Variants in ADGRV1 observed in about 807,000 individuals in gnomAD.
ADGRV1 encodes the protein adhesion G protein-coupled receptor V1.
ADGRV1 carries 359 observed loss-of-function variants against 596.2 expected under a neutral mutation model. The observed-to-expected ratio is 0.60, with a 90% CI of 0.55 to 0.66. ADGRV1 has a LOEUF of 0.66. Among genes scored for constraint, ADGRV1 ranks in the 30% least tolerant of loss-of-function variants. ADGRV1 has a pLI of 0.00. For missense variants in ADGRV1, 7,274 were observed against 7,575.6 expected (o/e 0.96, Z 1.48); for synonymous variants, 2,681 against 2,679.2 (o/e 1.00, Z -0.02).
intron 1 of ADGRV1, 21 bp from the exon 2 acceptor site, chr5:90,614,814 A>AT: frequency 6.5e-7 from 1 of 1,533,516 alleles, no homozygotes; most frequent in Non-Finnish European, 9.0e-7. Flanking sequence ...TGTGAATAAT[A>AT]TTTTTTTCTT....
At position 90,705,718 on chromosome 5, in the gene ADGRV1, ACTT is replaced by A. The variant is rs1214047053; in HGVS notation, c.8566+143_8566+145del. 4 of 652,286 alleles carry A rather than the reference ACTT, an allele frequency of 6.1e-6. No homozygotes were observed. The East Asian group carries it at 8.2e-5, about 13-fold the overall frequency. The allele number at this position is 652,286 out of a possible 1,614,324, so 40.4% of individuals were successfully genotyped here. A position where few individuals can be genotyped will look rare whatever the true frequency, so the allele number is the denominator to read the frequency against. On this transcript the variant is annotated intron_variant, in intron 37 of 89. Coordinates refer to ENST00000405460, the MANE Select transcript of ADGRV1 (RefSeq NM_032119.4). ...TCTTCATTCAGGACAGAACTTTATA[ACTT>A]CTTTATCTTTGAAAAGATTAAAGGA...
intron 48 of ADGRV1, among the ~76,000 whole-genome samples, chr5:90,726,438 A>G (rs1454275777): frequency 2.0e-5 from 3 of 152,060 alleles, no homozygotes; most frequent in East Asian, 1.9e-4. Flanking sequence ...TCTCCCTTCT[A>G]TAGTAAGACA....
At chr5:90,697,475 A>C (rs765448389) in intron 34 of ADGRV1, among the ~76,000 whole-genome samples, 24 of 147,638 alleles carry the variant, frequency 1.6e-4, no homozygotes, top group Non-Finnish European at 2.8e-4. Flanking sequence ...AAATGAGCTA[A>C]TAAAGGTAAA....
At chr5:91,092,033 AG>A (rs1302490680) in intron 86 of ADGRV1, among the ~76,000 whole-genome samples, 1 of 152,224 alleles carries the variant, frequency 6.6e-6, no homozygotes, top group Non-Finnish European at 1.5e-5. Context: ...ATAGTAAGTT[AG>A]ATGTCAGTAA....
chr5:90,643,300 T>C (rs1042114053), intron 13 of ADGRV1, among the ~76,000 whole-genome samples: 2 of 151,480 alleles, frequency 1.3e-5, no homozygotes, highest in African/African-American at 4.9e-5. Context: ...AGTTTTCATC[T>C]CCTTTTAGCT....
chr5:90,916,649 T>TTTTTC (rs397810123), intron 83 of ADGRV1, among the ~76,000 whole-genome samples: 1 of 149,802 alleles, frequency 6.7e-6, no homozygotes, highest in Non-Finnish European at 1.5e-5. Flanking sequence ...TTTTTTTTTT[T>TTTTTC]TGAGACGGAG....
intron 50 of ADGRV1, among the ~76,000 whole-genome samples, chr5:90,731,470 G>A (rs746034101): frequency 6.6e-5 from 10 of 152,196 alleles, no homozygotes; most frequent in South Asian, 6.2e-4. Context: ...CATTTGCTCT[G>A]TGAGGGGTAG....
At chr5:90,837,557 G>C (rs1459778813) in intron 77 of ADGRV1, among the ~76,000 whole-genome samples, 2 of 151,680 alleles carry the variant, frequency 1.3e-5, no homozygotes, top group Non-Finnish European at 2.9e-5. Flanking sequence ...TTTTATAGAG[G>C]TGACATTTCA....
At chr5:91,153,136 A>T (rs143634270) in intron 88 of ADGRV1, 85 bp from the exon 89 acceptor site, 2 of 1,090,572 alleles carry the variant, frequency 1.8e-6, no homozygotes, top group African/African-American at 3.1e-5. Context: ...GGAGAGGCAG[A>T]GATCAATTGT....
intron 70 of ADGRV1, among the ~76,000 whole-genome samples, chr5:90,795,884 C>T (rs1397687971): frequency 6.6e-6 from 1 of 152,194 alleles, no homozygotes; most frequent in Non-Finnish European, 1.5e-5. Context: ...CCAGCAAACT[C>T]CAGCAGACCT....
At chr5:90,674,503 A>G in intron 23 of ADGRV1, 1 of 260,252 alleles carries the variant, frequency 3.8e-6, no homozygotes, top group Non-Finnish European at 7.1e-6. Context: ...GTTCATAGCT[A>G]TCAAATTTCT....
intron 67 of ADGRV1, among the ~76,000 whole-genome samples, chr5:90,784,846 A>G (rs573868727): frequency 1.3e-5 from 2 of 152,304 alleles, no homozygotes; most frequent in Admixed American, 6.5e-5. Context: ...CATACTGCCT[A>G]AGGTAATTTA....
chr5:90,578,191 G>A (rs1266221053), intron 1 of ADGRV1, among the ~76,000 whole-genome samples: 1 of 152,142 alleles, frequency 6.6e-6, no homozygotes, highest in Admixed American at 6.6e-5. Context: ...TCTTGTGCTG[G>A]TTTTCAAAGG....
chr5:90,853,672 A>G (rs1215719000), intron 80 of ADGRV1, 139 bp downstream of exon 80: 9 of 754,702 alleles, frequency 1.2e-5, no homozygotes, highest in Non-Finnish European at 1.9e-5. Context: ...TTCCATCTTT[A>G]TGAACTATTT....
intron 10 of ADGRV1, among the ~76,000 whole-genome samples, 178 bp downstream of exon 10, chr5:90,635,468 C>T (rs930341449): frequency 6.6e-6 from 1 of 152,102 alleles, no homozygotes; most frequent in Non-Finnish European, 1.5e-5. Flanking sequence ...TTTCCATCAT[C>T]GTTTACAGTA....
intron 83 of ADGRV1, among the ~76,000 whole-genome samples, chr5:90,959,146 T>C (rs1252517420): frequency 6.6e-6 from 1 of 152,154 alleles, no homozygotes; most frequent in Non-Finnish European, 1.5e-5. Flanking sequence ...TTCTGTAACT[T>C]TACAGGGTAC....
intron 34 of ADGRV1, among the ~76,000 whole-genome samples, chr5:90,702,817 CT>C (rs150924703): frequency 0.014 from 2,119 of 151,936 alleles, 26 homozygotes; most frequent in Non-Finnish European, 0.02. Flanking sequence ...TCTTCTAAAT[CT>C]TTTTAAACAT....
chr5:90,883,289 G>A (rs78969878), intron 83 of ADGRV1, among the ~76,000 whole-genome samples: 1 of 152,062 alleles, frequency 6.6e-6, no homozygotes, highest in Non-Finnish European at 1.5e-5. Context: ...TCCTAGAATA[G>A]CTCCATGGTA....
At chr5:90,891,842 G>A (rs1461328502) in intron 83 of ADGRV1, among the ~76,000 whole-genome samples, 1 of 151,810 alleles carries the variant, frequency 6.6e-6, no homozygotes, top group Admixed American at 6.6e-5. Flanking sequence ...TATTTAATTT[G>A]GGGAAGCAGT....
Sources: gnomAD v4.1 joint callset for allele counts (sites outside exome capture counted in the v4.1 genomes callset) on GRCh38, gnomAD v4.1.1 for gene constraint, MANE v1.5 for transcripts, NCBI Gene and HGNC (gene_info 2026-07-23, HGNC 2026-07-21) for gene names.